The following RALYL variants were observed in gnomAD, a reference collection of about 807,000 sequenced individuals.
The protein encoded by RALYL is RNA-binding Raly-like protein.
In RALYL, 29 loss-of-function variants were observed where a neutral mutation model predicts 35.1. The observed-to-expected ratio is 0.83, with a 90% CI of 0.61 to 1.13. The LOEUF is 1.13. RALYL is among the 50% of genes most tolerant of loss of function. The pLI is 0.00. For synonymous variants in RALYL, 120 were observed against 127.6 expected, an observed-to-expected ratio of 0.94 and a Z score of 0.40; for missense variants, 359 against 360.4, an observed-to-expected ratio of 1.00 and a Z score of 0.03.
chr8:84,630,888 A>C (rs1823778692), intron 2 of RALYL, among the ~76,000 whole-genome samples: 1 of 152,056 alleles, frequency 6.6e-6, no homozygotes, highest in Admixed American at 6.6e-5. Flanking sequence ...AAAAACTTGC[A>C]AATTAGATTA....
In RALYL at chr8:84,849,977, T is replaced by C; in HGVS notation, c.366-3T>C. 1 of 1,475,736 alleles carries C rather than the reference T, an allele frequency of 6.8e-7. No individual in the cohort carries two copies. The highest frequency in any genetic ancestry group is 9.1e-7 in the Non-Finnish European group (1 of 1,104,458). The allele number at this position is 1,475,736 out of a possible 1,614,324, so 91.4% of individuals were successfully genotyped here. A position where few individuals can be genotyped will look rare whatever the true frequency, so the allele number is the denominator to read the frequency against. On this transcript the variant is annotated splice_region_variant and splice_polypyrimidine_tract_variant and intron_variant, in intron 4 of 8. Transcript: ENST00000521268. ...CAACTAATTTTTTTGTTTCCCTCTT[T>C]AGCGGTTATGTCTTTGACTATGATT... is the stretch of plus-strand genomic sequence containing the variant.
chr8:84,641,180 A>ATC (rs1826234436), intron 2 of RALYL, among the ~76,000 whole-genome samples: 1 of 151,468 alleles, frequency 6.6e-6, no homozygotes, highest in African/African-American at 2.4e-5. Context: ...CTTTCTTTAT[A>ATC]TCTCTCTCCC....
chr8:84,258,982 G>A (rs201293203), intron 1 of RALYL, among the ~76,000 whole-genome samples: 2 of 152,142 alleles, frequency 1.3e-5, no homozygotes, highest in Admixed American at 6.5e-5. Context: ...TGATACTTGC[G>A]TCTGTCTCCT....
chr8:84,620,522 C>A (rs2131056902), intron 2 of RALYL, among the ~76,000 whole-genome samples: 1 of 152,208 alleles, frequency 6.6e-6, no homozygotes, highest in East Asian at 1.9e-4. Context: ...TTTTCAACTT[C>A]TTTGCCTTTG....
intron 1 of RALYL, among the ~76,000 whole-genome samples, chr8:84,473,596 C>G (rs924174216): frequency 3.3e-5 from 5 of 151,318 alleles, no homozygotes; most frequent in African/African-American, 9.7e-5. Flanking sequence ...AAAAATAGTC[C>G]TTATGTGGCA....
At chr8:84,843,444 A>T (rs1255175379) in intron 4 of RALYL, among the ~76,000 whole-genome samples, 2 of 152,302 alleles carry the variant, frequency 1.3e-5, no homozygotes, top group East Asian at 1.9e-4. Flanking sequence ...AGAACTACAA[A>T]CCACTGCTCA....
At chr8:84,313,417 C>T (rs1490283930) in intron 1 of RALYL, among the ~76,000 whole-genome samples, 1 of 152,170 alleles carries the variant, frequency 6.6e-6, no homozygotes, top group Non-Finnish European at 1.5e-5. Flanking sequence ...GGTTTTCTAT[C>T]ACGGTCAGTC....
At chr8:84,272,249 T>G (rs998966642) in intron 1 of RALYL, among the ~76,000 whole-genome samples, 1 of 151,972 alleles carries the variant, frequency 6.6e-6, no homozygotes, top group Non-Finnish European at 1.5e-5. Context: ...CCCACCACTA[T>G]GCCCAGCTAA....
At chr8:84,676,751 T>C (rs189522128) in intron 2 of RALYL, among the ~76,000 whole-genome samples, 1 of 152,322 alleles carries the variant, frequency 6.6e-6, no homozygotes, top group Non-Finnish European at 1.5e-5. Context: ...GCAAAAGTTA[T>C]AATCCTTTCA....
rs541911595 is a variant in RALYL at position 84,639,544 on chromosome 8, T to G, written c.256+109967T>G. On this transcript the variant is annotated intron_variant, in intron 2 of 8. Coordinates refer to ENST00000521268, the MANE Select transcript of RALYL (RefSeq NM_173848.7). ...CTGGTTTTTTAGGTTTCTTTGGGAT[T>G]TCCTTTAGCCAAGATAAGGGGTCCA... Among the ~76,000 whole-genome samples, 28 of 152,102 alleles carry G rather than the reference T, an allele frequency of 1.8e-4. No individual in the cohort carries two copies. In the South Asian group the frequency reaches 5.6e-3, roughly 30 times the overall value.
chr8:84,890,771 T>C (rs957339579), intron 8 of RALYL, among the ~76,000 whole-genome samples: 2 of 150,420 alleles, frequency 1.3e-5, no homozygotes, highest in African/African-American at 4.9e-5. Context: ...AAAGCAAACA[T>C]GTTCAAAGTT....
intron 1 of RALYL, among the ~76,000 whole-genome samples, chr8:84,327,615 G>C (rs140720882): frequency 6.6e-6 from 1 of 152,068 alleles, no homozygotes; most frequent in Non-Finnish European, 1.5e-5. Flanking sequence ...TGGCAGACTT[G>C]AGTGGTTGTG....
chr8:84,712,215 C>T (rs1842298877), intron 2 of RALYL, among the ~76,000 whole-genome samples: 1 of 152,064 alleles, frequency 6.6e-6, no homozygotes, highest in Admixed American at 6.6e-5. Context: ...TTTATAGATT[C>T]CTCCATGGAA....
chr8:84,876,628 A>T (rs558610465), intron 7 of RALYL, among the ~76,000 whole-genome samples: 7 of 152,222 alleles, frequency 4.6e-5, no homozygotes, highest in African/African-American at 7.2e-5. Flanking sequence ...TACATTTTTT[A>T]AAAAATTACA....
chr8:84,431,981 G>T (rs1277943853), intron 1 of RALYL, among the ~76,000 whole-genome samples: 1 of 152,038 alleles, frequency 6.6e-6, no homozygotes. Flanking sequence ...GTACACTGTT[G>T]GGAATGTAAA....
chr8:84,185,419 T>C (rs1471701237), intron 1 of RALYL, among the ~76,000 whole-genome samples: 1 of 152,176 alleles, frequency 6.6e-6, no homozygotes, highest in African/African-American at 2.4e-5. Flanking sequence ...GTTGAATGTA[T>C]TCTATGATAT....
chr8:84,541,121 C>CT (rs969693979), intron 2 of RALYL, among the ~76,000 whole-genome samples: 41 of 148,188 alleles, frequency 2.8e-4, no homozygotes, highest in African/African-American at 6.4e-4. Flanking sequence ...GAATAATATC[C>CT]TTTTTTTTTT....
At chr8:84,624,719 G>A (rs1421060447) in intron 2 of RALYL, among the ~76,000 whole-genome samples, 1 of 152,160 alleles carries the variant, frequency 6.6e-6, no homozygotes, top group Admixed American at 6.6e-5. Flanking sequence ...GGGAACATTA[G>A]TCTGCCTACC....
intron 2 of RALYL, among the ~76,000 whole-genome samples, chr8:84,766,525 C>G (rs911495097): frequency 9.5e-6 from 1 of 104,902 alleles, no homozygotes; most frequent in Non-Finnish European, 1.9e-5. Flanking sequence ...AACCCCATCT[C>G]TACTAAAATA....
Sources: gnomAD v4.1 joint callset for allele counts (sites outside exome capture counted in the v4.1 genomes callset) on GRCh38, gnomAD v4.1.1 for gene constraint, MANE v1.5 for transcripts, NCBI Gene and HGNC (gene_info 2026-07-23, HGNC 2026-07-21) for gene names.